Variants in ARHGAP26 observed in about 807,000 individuals in gnomAD.
ARHGAP26 encodes Rho GTPase activating protein 26, also known as rho GTPase-activating protein 26.
ARHGAP26 carries 38 observed loss-of-function variants against 104.8 expected under a neutral mutation model. The ratio of observed to expected loss-of-function variants is 0.36; its 90% CI spans 0.28 to 0.48. ARHGAP26 has a LOEUF of 0.48. Among genes scored for constraint, ARHGAP26 ranks in the 20% least tolerant of loss-of-function variants. The pLI, the probability that ARHGAP26 is intolerant of heterozygous loss-of-function variation, is 0.99. For missense variants in ARHGAP26, 704 were observed against 947.9 expected (o/e 0.74, Z 3.38); for synonymous variants, 341 against 340.0 (o/e 1.00, Z -0.03).
At chr5:143,167,903 A>G (rs1029191839) in intron 20 of ARHGAP26, among the ~76,000 whole-genome samples, 2 of 152,174 alleles carry the variant, frequency 1.3e-5, no homozygotes, top group African/African-American at 4.8e-5. Flanking sequence ...TGTCTTCAAT[A>G]TGTAAACACA....
chr5:143,177,911 A>C (rs1367875259), intron 20 of ARHGAP26, among the ~76,000 whole-genome samples: 1 of 147,856 alleles, frequency 6.8e-6, no homozygotes, highest in Non-Finnish European at 1.5e-5. Context: ...GGCAACTACT[A>C]TCTCCTACAT....
chr5:143,191,920 G>A (rs1805979963), intron 20 of ARHGAP26, among the ~76,000 whole-genome samples: 1 of 152,146 alleles, frequency 6.6e-6, no homozygotes, highest in African/African-American at 2.4e-5. Flanking sequence ...CAGAATGAGA[G>A]CTGTACCGTT....
intron 11 of ARHGAP26, among the ~76,000 whole-genome samples, chr5:142,943,120 T>C (rs931949679): frequency 1.3e-5 from 2 of 152,180 alleles, no homozygotes; most frequent in Non-Finnish European, 2.9e-5. Context: ...CGTGTGTTGT[T>C]TTTTTGTTTG....
intron 11 of ARHGAP26, among the ~76,000 whole-genome samples, chr5:142,942,849 C>A (rs978138392): frequency 6.6e-6 from 1 of 152,184 alleles, no homozygotes; most frequent in Non-Finnish European, 1.5e-5. Flanking sequence ...GGTAGGATCT[C>A]AGCTCACTAC....
intron 14 of ARHGAP26, among the ~76,000 whole-genome samples, chr5:143,048,919 GAA>G (rs79094425): frequency 8.5e-5 from 9 of 106,144 alleles, no homozygotes; most frequent in Admixed American, 2.0e-4. Flanking sequence ...TCTCAAAAAA[GAA>G]AAAAAAAAAA....
chr5:143,142,800 G>A (rs2150957887), intron 19 of ARHGAP26, among the ~76,000 whole-genome samples: 1 of 152,238 alleles, frequency 6.6e-6, no homozygotes, highest in African/African-American at 2.4e-5. Flanking sequence ...AAGCTGCTGT[G>A]CTATTATCAT....
chr5:142,930,899 G>A (rs1463275160), intron 10 of ARHGAP26, among the ~76,000 whole-genome samples: 1 of 152,208 alleles, frequency 6.6e-6, no homozygotes, highest in East Asian at 1.9e-4. Flanking sequence ...TGATGGGTGG[G>A]TGAGAATGAC....
chr5:143,153,518 A>G (rs1432418270), intron 20 of ARHGAP26, among the ~76,000 whole-genome samples: 3 of 152,236 alleles, frequency 2.0e-5, no homozygotes, highest in Admixed American at 1.3e-4. Context: ...GGAAGTAAAC[A>G]AATGCTGAGA....
chr5:142,967,741 GA>G (rs1250206528), intron 11 of ARHGAP26, among the ~76,000 whole-genome samples: 2 of 152,162 alleles, frequency 1.3e-5, no homozygotes, highest in Non-Finnish European at 2.9e-5. Flanking sequence ...TAGAAGGAAG[GA>G]AAGAACCCAG....
chr5:142,798,500 T>C (rs1334219025), intron 1 of ARHGAP26, among the ~76,000 whole-genome samples: 6 of 152,324 alleles, frequency 3.9e-5, no homozygotes, highest in African/African-American at 1.4e-4. Context: ...ACAGGCTTGG[T>C]TGGGGCATGG....
intron 11 of ARHGAP26, among the ~76,000 whole-genome samples, chr5:142,958,032 A>G (rs1769544702): frequency 6.6e-6 from 1 of 152,204 alleles, no homozygotes; most frequent in Non-Finnish European, 1.5e-5. Context: ...CACATTTGAA[A>G]TAACATTTGA....
chr5:143,081,779 C>T (rs1379054751), intron 17 of ARHGAP26, among the ~76,000 whole-genome samples: 2 of 152,062 alleles, frequency 1.3e-5, no homozygotes, highest in Non-Finnish European at 2.9e-5. Context: ...TCTGGGAGGC[C>T]GAGGCCGGCG....
intron 1 of ARHGAP26, among the ~76,000 whole-genome samples, chr5:142,854,546 GAATA>G (rs1189096760): frequency 6.6e-6 from 1 of 152,190 alleles, no homozygotes; most frequent in Non-Finnish European, 1.5e-5. Flanking sequence ...CCTATTGCCA[GAATA>G]AATATATGAC....
chr5:143,066,988 G>A (rs927675475), intron 17 of ARHGAP26, among the ~76,000 whole-genome samples: 10 of 151,622 alleles, frequency 6.6e-5, no homozygotes, highest in African/African-American at 1.9e-4. Context: ...AACAAGCCAC[G>A]TAGGGCTGAT....
rs1761914969 is a variant in ARHGAP26, at chr5:142,912,134, C to G, written c.934-1065C>G. On this transcript the variant is annotated intron_variant, in intron 9 of 22. Transcript: ENST00000645722. ...TTCCTAAGTGACAGTAAGAAGAAAT[C>G]AGGGACAGCAACTTCTGTGTTTCTG... Among the ~76,000 whole-genome samples, 6 of 152,310 alleles carry G rather than the reference C, an allele frequency of 3.9e-5. No homozygotes were observed. In the South Asian group the frequency reaches 1.2e-3, roughly 32 times the overall value.
At chr5:142,947,329 G>A (rs1429731889) in intron 11 of ARHGAP26, among the ~76,000 whole-genome samples, 2 of 152,124 alleles carry the variant, frequency 1.3e-5, no homozygotes, top group Non-Finnish European at 1.5e-5. Context: ...GGGAGGGATG[G>A]TGGTGCTGCT....
chr5:143,020,920 G>A (rs893798768), intron 12 of ARHGAP26, among the ~76,000 whole-genome samples: 1 of 152,120 alleles, frequency 6.6e-6, no homozygotes, highest in Admixed American at 6.6e-5. Flanking sequence ...GATTACAGGC[G>A]TGAGCCACTG....
intron 20 of ARHGAP26, among the ~76,000 whole-genome samples, chr5:143,191,420 T>C (rs149869234): frequency 6.6e-6 from 1 of 152,158 alleles, no homozygotes; most frequent in Non-Finnish European, 1.5e-5. Flanking sequence ...ATGCCACACT[T>C]TTACAAGAGG....
At chr5:143,042,148 T>C (rs1385231650) in intron 14 of ARHGAP26, among the ~76,000 whole-genome samples, 1 of 152,226 alleles carries the variant, frequency 6.6e-6, no homozygotes, top group Non-Finnish European at 1.5e-5. Flanking sequence ...CTCAGTGCTC[T>C]GGTCCAAGTG....
Sources: allele counts gnomAD v4.1 joint callset (sites outside exome capture counted in the v4.1 genomes callset), GRCh38; gene constraint gnomAD v4.1.1; transcripts MANE v1.5; gene names NCBI Gene and HGNC (gene_info 2026-07-23, HGNC 2026-07-21).